HCN1: variants seen among roughly 807,000 people sequenced by gnomAD.
HCN1 encodes hyperpolarization activated cyclic nucleotide gated potassium channel 1.
Under a neutral mutation model 78.9 loss-of-function variants are expected in HCN1, and 13 were observed. The ratio of observed to expected loss-of-function variants is 0.16; its 90% CI spans 0.11 to 0.26. The LOEUF is 0.26. HCN1 is among the 10% of genes least tolerant of loss of function. The pLI is 1.00. For missense variants in HCN1, 810 were observed against 1,154.3 expected (o/e 0.70, Z 4.32); for synonymous variants, 552 against 455.5 (o/e 1.21, Z -2.70).
intron 6 of HCN1, among the ~76,000 whole-genome samples, chr5:45,300,979 T>TCAC (rs1745604158): frequency 6.6e-6 from 1 of 152,086 alleles, no homozygotes; most frequent in Non-Finnish European, 1.5e-5. Context: ...AAAATTTTCC[T>TCAC]TAATTGGTGA....
Position 45,262,178 on chromosome 5 carries a change from G to T in HCN1, c.2416C>A (p.Pro806Thr). Residue 806 changes from proline (P) to threonine (T), a missense_variant, in exon 8 of 8, where the codon CCC (proline) becomes ACC (threonine). Pro to Thr is a conservative substitution (Grantham distance 38, BLOSUM62 -1). Around this residue, in one of 6 missense-constraint regions of HCN1, gnomAD observed 398 missense variants for 381.3 expected, o/e 1.04. Transcript: ENST00000303230. Reference sequence around the variant, plus strand: ...GAGGCCAGGGACTCGCCCACAGTGGGATGAGGTCTGGAAATCAGAGTGGAC... The same window carrying T: ...GAGGCCAGGGACTCGCCCACAGTGGTATGAGGTCTGGAAATCAGAGTGGAC... ...EVSTLISRPHPTVGESLASIP... is the reference protein window; with the variant it reads ...EVSTLISRPHTTVGESLASIP... 1.2e-6 allele frequency: 2 copies of T among 1,614,014 alleles called. No individual in the cohort carries two copies. Among genetic ancestry groups the T allele is most frequent in the Non-Finnish European group, 1.7e-6 (2 of 1,180,026 alleles).
intron 2 of HCN1, among the ~76,000 whole-genome samples, chr5:45,632,279 T>TTGTGTGTG (rs139925464): frequency 6.8e-6 from 1 of 147,696 alleles, no homozygotes; most frequent in African/African-American, 2.5e-5. Flanking sequence ...TAATGTTCCA[T>TTGTGTGTG]TGTGTGTGTG....
At chr5:45,483,711 A>G (rs999838842) in intron 2 of HCN1, among the ~76,000 whole-genome samples, 1 of 152,052 alleles carries the variant, frequency 6.6e-6, no homozygotes, top group Non-Finnish European at 1.5e-5. Flanking sequence ...TGTTGAGAAG[A>G]GTACTTCCTA....
At chr5:45,446,013 C>A (rs62369079) in intron 3 of HCN1, among the ~76,000 whole-genome samples, 2,044 of 152,272 alleles carry the variant, frequency 0.013, 18 homozygotes, top group Middle Eastern at 0.027. Flanking sequence ...AGTTCCTCAC[C>A]AGCAACAGAA....
chr5:45,627,149 G>A (rs924393104), intron 2 of HCN1, among the ~76,000 whole-genome samples: 2 of 152,070 alleles, frequency 1.3e-5, no homozygotes, highest in East Asian at 1.9e-4. Context: ...ATACAATTCC[G>A]TAATTCTGGT....
intron 3 of HCN1, among the ~76,000 whole-genome samples, chr5:45,411,683 A>G (rs970283235): frequency 9.2e-5 from 14 of 152,080 alleles, no homozygotes; most frequent in African/African-American, 3.4e-4. Flanking sequence ...CAAATGCAAT[A>G]TTATAATCCA....
At chr5:45,625,607 G>A (rs1745149737) in intron 2 of HCN1, among the ~76,000 whole-genome samples, 1 of 150,808 alleles carries the variant, frequency 6.6e-6, no homozygotes, top group South Asian at 2.1e-4. Context: ...CTCTCACCTG[G>A]GAAAGAGAAA....
intron 5 of HCN1, among the ~76,000 whole-genome samples, chr5:45,315,026 A>C (rs1337726511): frequency 6.6e-6 from 1 of 152,180 alleles, no homozygotes; most frequent in Non-Finnish European, 1.5e-5. Context: ...GTTAACCATG[A>C]TATCCAGGAA....
chr5:45,420,709 C>T (rs1740209465), intron 3 of HCN1, among the ~76,000 whole-genome samples: 1 of 151,816 alleles, frequency 6.6e-6, no homozygotes, highest in African/African-American at 2.4e-5. Context: ...CACTGTTATA[C>T]ACACACACAC....
chr5:45,511,609 C>A (rs890597557), intron 2 of HCN1, among the ~76,000 whole-genome samples: 2 of 151,944 alleles, frequency 1.3e-5, no homozygotes, highest in Non-Finnish European at 2.9e-5. Context: ...TCAGACAAAC[C>A]TAATTTAATG....
intron 3 of HCN1, among the ~76,000 whole-genome samples, chr5:45,430,852 G>A (rs1161093066): frequency 6.6e-6 from 1 of 152,076 alleles, no homozygotes; most frequent in East Asian, 1.9e-4. Flanking sequence ...CACTATTCAT[G>A]GGCATTTAGG....
intron 2 of HCN1, among the ~76,000 whole-genome samples, chr5:45,612,956 A>G (rs1335873041): frequency 1.3e-5 from 2 of 152,156 alleles, no homozygotes; most frequent in African/African-American, 2.4e-5. Context: ...CCCTATGATG[A>G]TTTTCAAATA....
intron 2 of HCN1, among the ~76,000 whole-genome samples, chr5:45,474,297 T>C (rs1011179003): frequency 1.3e-5 from 2 of 151,898 alleles, no homozygotes; most frequent in Non-Finnish European, 2.9e-5. Flanking sequence ...TAATACACAT[T>C]GATCCTGCAA....
intron 5 of HCN1, among the ~76,000 whole-genome samples, chr5:45,318,446 A>G (rs1272695963): frequency 6.6e-6 from 1 of 151,954 alleles, no homozygotes; most frequent in African/African-American, 2.4e-5. Flanking sequence ...ATAGCATTGG[A>G]AGATATACCT....
At chr5:45,483,140 G>A (rs1055177970) in intron 2 of HCN1, among the ~76,000 whole-genome samples, 2 of 152,152 alleles carry the variant, frequency 1.3e-5, no homozygotes, top group African/African-American at 4.8e-5. Context: ...TGGGATAGCT[G>A]AGTTGAATGG....
intron 2 of HCN1, among the ~76,000 whole-genome samples, chr5:45,598,659 A>G (rs1251662842): frequency 6.6e-6 from 1 of 152,220 alleles, no homozygotes; most frequent in Non-Finnish European, 1.5e-5. Flanking sequence ...AATTTTTGCA[A>G]TCTGCCTGTC....
chr5:45,455,062 G>A (rs1740996293), intron 3 of HCN1, among the ~76,000 whole-genome samples: 1 of 151,888 alleles, frequency 6.6e-6, no homozygotes, highest in South Asian at 2.1e-4. Flanking sequence ...GTGTCTCCCT[G>A]GCCCTCGGTT....
intron 2 of HCN1, among the ~76,000 whole-genome samples, chr5:45,503,179 G>T (rs1181018853): frequency 1.3e-5 from 2 of 152,104 alleles, no homozygotes; most frequent in Non-Finnish European, 2.9e-5. Context: ...GTTGGTCGTG[G>T]CTGCAAACAT....
At chr5:45,381,954 C>A (rs1747817316) in intron 4 of HCN1, among the ~76,000 whole-genome samples, 1 of 152,174 alleles carries the variant, frequency 6.6e-6, no homozygotes, top group African/African-American at 2.4e-5. Context: ...GGCCTGTCTT[C>A]CTATTTGAGC....
Sources: gnomAD v4.1 joint callset for allele counts (sites outside exome capture counted in the v4.1 genomes callset) on GRCh38, gnomAD v4.1.1 for gene constraint, gnomAD v4.1.1 regional missense constraint, MANE v1.5 for transcripts, NCBI Gene and HGNC (gene_info 2026-07-23, HGNC 2026-07-21) for gene names.